The following EXT1 variants were observed in gnomAD, a reference collection of about 807,000 sequenced individuals.
EXT1 encodes the protein exostosin glycosyltransferase 1, also known as exostosin-1.
EXT1 carries 20 observed loss-of-function variants against 82.5 expected under a neutral mutation model. The observed-to-expected ratio is 0.24, with a 90% confidence interval of 0.17 to 0.35. The LOEUF (loss-of-function observed/expected upper bound fraction) is 0.35, where lower values mean the gene tolerates loss of function less well. Ranked by LOEUF, EXT1 falls within the 10% of genes least tolerant of loss-of-function variation. The pLI is 1.00. For synonymous variants in EXT1, 348 were observed against 350.8 expected (o/e 0.99, Z 0.09); for missense variants, 757 against 936.5 (o/e 0.81, Z 2.50).
intron 8 of EXT1, among the ~76,000 whole-genome samples, chr8:117,812,630 GC>G (rs1351503601): frequency 1.3e-5 from 2 of 152,118 alleles, no homozygotes; most frequent in African/African-American, 4.8e-5. Flanking sequence ...GAGGGGTGAG[GC>G]CCAGTTATGC....
chr8:118,006,661 T>C (rs1052334750), intron 1 of EXT1, among the ~76,000 whole-genome samples: 3 of 152,216 alleles, frequency 2.0e-5, no homozygotes, highest in African/African-American at 7.2e-5. Flanking sequence ...CAACTGAGGC[T>C]GATTCCATCT....
At chr8:118,002,722 C>T (rs900182447) in intron 1 of EXT1, among the ~76,000 whole-genome samples, 4 of 151,732 alleles carry the variant, frequency 2.6e-5, no homozygotes, top group East Asian at 2.0e-4. Context: ...TTAGTAGAGA[C>T]GGGGTTTCAC....
At chr8:117,962,298 G>T (rs1307193185) in intron 1 of EXT1, among the ~76,000 whole-genome samples, 1 of 152,150 alleles carries the variant, frequency 6.6e-6, no homozygotes, top group Admixed American at 6.5e-5. Flanking sequence ...TCTGTAAAGT[G>T]TGGCAAACCA....
intron 8 of EXT1, among the ~76,000 whole-genome samples, chr8:117,809,206 T>A (rs542578487): frequency 0.011 from 892 of 81,680 alleles, 23 homozygotes; most frequent in African/African-American, 0.035. Flanking sequence ...TATATATGTG[T>A]GTGTGTGTAT....
intron 1 of EXT1, among the ~76,000 whole-genome samples, chr8:118,019,568 C>T (rs144314220): frequency 1.1e-3 from 167 of 152,280 alleles, no homozygotes; most frequent in African/African-American, 4.0e-3. Flanking sequence ...GACTATTCAT[C>T]GTACATCGTC....
At chr8:117,835,322 G>C in intron 3 of EXT1, 122 bp downstream of exon 3, 2 of 746,454 alleles carry the variant, frequency 2.7e-6, no homozygotes, top group Admixed American at 4.0e-5. Flanking sequence ...CATGACACAG[G>C]TAATTTTCTC....
intron 1 of EXT1, among the ~76,000 whole-genome samples, chr8:118,081,899 C>A (rs1219987315): frequency 6.6e-6 from 1 of 152,046 alleles, no homozygotes; most frequent in Non-Finnish European, 1.5e-5. Flanking sequence ...AAAATTGTCA[C>A]AAAAACCGAG....
At chr8:118,038,272 A>T (rs1326885591) in intron 1 of EXT1, among the ~76,000 whole-genome samples, 2 of 152,254 alleles carry the variant, frequency 1.3e-5, no homozygotes, top group African/African-American at 4.8e-5. Context: ...AACGTTGAAC[A>T]GTGGGTAAAT....
chr8:117,969,204 C>G (rs1387952628), intron 1 of EXT1, among the ~76,000 whole-genome samples: 1 of 152,160 alleles, frequency 6.6e-6, no homozygotes, highest in African/African-American at 2.4e-5. Flanking sequence ...GAGATTTGGT[C>G]CCTTCCTTGT....
At chr8:118,050,402 G>A (rs1816698329) in intron 1 of EXT1, among the ~76,000 whole-genome samples, 1 of 152,202 alleles carries the variant, frequency 6.6e-6, no homozygotes, top group Non-Finnish European at 1.5e-5. Flanking sequence ...GCAGCTCTGA[G>A]GAAACCAAGA....
intron 1 of EXT1, among the ~76,000 whole-genome samples, chr8:118,007,707 T>C (rs898170306): frequency 6.6e-6 from 1 of 152,232 alleles, no homozygotes; most frequent in Non-Finnish European, 1.5e-5. Context: ...TGTAGTTTCA[T>C]TCGCATCACC....
intron 1 of EXT1, among the ~76,000 whole-genome samples, chr8:118,077,935 T>C (rs771265589): frequency 6.6e-6 from 1 of 152,206 alleles, no homozygotes; most frequent in Admixed American, 6.5e-5. Flanking sequence ...CTGTTATAAT[T>C]TGAGTGCTCA....
chr8:118,003,741 G>A (rs1000502494), intron 1 of EXT1, among the ~76,000 whole-genome samples: 3 of 151,984 alleles, frequency 2.0e-5, no homozygotes, highest in African/African-American at 7.3e-5. Context: ...ATAAAACATA[G>A]CAACCCACTA....
intron 1 of EXT1, among the ~76,000 whole-genome samples, chr8:118,073,457 C>T (rs913134732): frequency 3.9e-5 from 6 of 152,006 alleles, no homozygotes; most frequent in African/African-American, 1.4e-4. Flanking sequence ...CCCACCTCTA[C>T]AAAAAATACA....
intron 1 of EXT1, among the ~76,000 whole-genome samples, chr8:117,948,076 T>C (rs1472376804): frequency 1.3e-5 from 2 of 152,092 alleles, no homozygotes; most frequent in Non-Finnish European, 2.9e-5. Flanking sequence ...GAGGTGTATG[T>C]TTAATTTATA....
intron 8 of EXT1, among the ~76,000 whole-genome samples, chr8:117,810,837 C>T (rs1823307149): frequency 6.6e-6 from 1 of 152,174 alleles, no homozygotes; most frequent in South Asian, 2.1e-4. Flanking sequence ...GAGTCACCGG[C>T]AGGAAAATCG....
intron 8 of EXT1, among the ~76,000 whole-genome samples, chr8:117,810,593 A>G: frequency 6.6e-6 from 1 of 152,228 alleles, no homozygotes; most frequent in Non-Finnish European, 1.5e-5. Context: ...TCCTAGAGTG[A>G]GACTAATTGC....
chr8:117,828,565 A>G (rs1399101869), intron 4 of EXT1, among the ~76,000 whole-genome samples: 2 of 152,152 alleles, frequency 1.3e-5, no homozygotes, highest in Non-Finnish European at 2.9e-5. Context: ...AACATTCAAC[A>G]TTCTTTAAGA....
At chr8:117,827,411 A>G (rs931691462) in intron 4 of EXT1, among the ~76,000 whole-genome samples, 2 of 152,206 alleles carry the variant, frequency 1.3e-5, no homozygotes, top group Non-Finnish European at 2.9e-5. Flanking sequence ...AAATTAAAAC[A>G]CTGGAATGTG....
Sources: allele counts gnomAD v4.1 joint callset (sites outside exome capture counted in the v4.1 genomes callset), GRCh38; gene constraint gnomAD v4.1.1; transcripts MANE v1.5; gene names NCBI Gene and HGNC (gene_info 2026-07-23, HGNC 2026-07-21).